Variants in HNF4G observed in about 807,000 individuals in gnomAD.
The protein encoded by HNF4G is hepatocyte nuclear factor 4 gamma.
In HNF4G, 21 loss-of-function variants were observed where a neutral mutation model predicts 50.9. The observed-to-expected ratio is 0.41, with a 90% CI of 0.29 to 0.59. The LOEUF (loss-of-function observed/expected upper bound fraction) is 0.59, where lower values mean the gene tolerates loss of function less well. Ranked by LOEUF, HNF4G falls within the 20% of genes least tolerant of loss-of-function variation. The pLI, the probability that HNF4G is intolerant of heterozygous loss-of-function variation, is 0.26. For missense variants in HNF4G, 527 were observed against 559.4 expected (o/e 0.94, Z 0.58); for synonymous variants, 198 against 185.6 (o/e 1.07, Z -0.54).
chr8:75,537,613 C>T (rs1252160764), upstream of HNF4G, among the ~76,000 whole-genome samples: 15 of 151,878 alleles, frequency 9.9e-5, no homozygotes, highest in East Asian at 7.7e-4. Context: ...AAAAGCAAAT[C>T]GACTAAAGTT....
intron 1 of HNF4G, among the ~76,000 whole-genome samples, chr8:75,451,026 T>G (rs926274792): frequency 1.3e-5 from 2 of 152,222 alleles, no homozygotes; most frequent in Non-Finnish European, 2.9e-5. Context: ...ACTTTCTTTA[T>G]AAATTATCAA....
intron 1 of HNF4G, among the ~76,000 whole-genome samples, chr8:75,410,688 C>G (rs139046209): frequency 2.4e-4 from 37 of 152,240 alleles, no homozygotes; most frequent in African/African-American, 8.7e-4. Flanking sequence ...GATTCACACC[C>G]CTAGGGCAAA....
At chr8:75,443,454 C>T (rs772423310) in intron 1 of HNF4G, among the ~76,000 whole-genome samples, 2 of 152,002 alleles carry the variant, frequency 1.3e-5, no homozygotes, top group Admixed American at 6.6e-5. Context: ...ACAAGTTATA[C>T]GTTGGTAGTC....
At chr8:75,492,180 A>G (rs774522393) in intron 2 of HNF4G, among the ~76,000 whole-genome samples, 5 of 152,108 alleles carry the variant, frequency 3.3e-5, no homozygotes, top group Non-Finnish European at 7.4e-5. Context: ...ACATTATTCC[A>G]ATGTTTCAAG....
chr8:75,561,605 C>T (rs1261407722), intron 9 of HNF4G, among the ~76,000 whole-genome samples: 2 of 152,146 alleles, frequency 1.3e-5, no homozygotes, highest in African/African-American at 4.8e-5. Context: ...GATCATAAAG[C>T]ACATCTGTTA....
intron 1 of HNF4G, among the ~76,000 whole-genome samples, chr8:75,427,613 A>G (rs944854282): frequency 3.3e-5 from 5 of 151,588 alleles, no homozygotes; most frequent in African/African-American, 1.2e-4. Context: ...AATAAAGACT[A>G]TCTTCTCATC....
At chr8:75,532,973 C>T (rs1203145643) in intron 2 of HNF4G, among the ~76,000 whole-genome samples, 1 of 151,990 alleles carries the variant, frequency 6.6e-6, no homozygotes, top group Admixed American at 6.6e-5. Context: ...TCATTATCAT[C>T]ATGATCATTA....
At chr8:75,451,815 T>C (rs1811591895) in intron 1 of HNF4G, among the ~76,000 whole-genome samples, 1 of 152,212 alleles carries the variant, frequency 6.6e-6, no homozygotes, top group South Asian at 2.1e-4. Context: ...TAAAACTATT[T>C]ACAAGACAGA....
intron 2 of HNF4G, among the ~76,000 whole-genome samples, chr8:75,498,444 TTA>T (rs1321963189): frequency 6.6e-6 from 1 of 152,088 alleles, no homozygotes; most frequent in Admixed American, 6.6e-5. Flanking sequence ...AAGTCCAGGA[TTA>T]TATGACTTCA....
intron 1 of HNF4G, among the ~76,000 whole-genome samples, chr8:75,465,075 T>A (rs1811937467): frequency 6.6e-6 from 1 of 152,192 alleles, no homozygotes; most frequent in Admixed American, 6.5e-5. Flanking sequence ...TTATCCTAAC[T>A]GGAACTCTTG....
chr8:75,484,274 G>C (rs1294324930), intron 1 of HNF4G, among the ~76,000 whole-genome samples: 1 of 152,212 alleles, frequency 6.6e-6, no homozygotes, highest in Non-Finnish European at 1.5e-5. Flanking sequence ...GCAATAAACA[G>C]TCATTACGAA....
chr8:75,442,114 T>C (rs745619674), intron 1 of HNF4G, among the ~76,000 whole-genome samples: 11 of 152,052 alleles, frequency 7.2e-5, no homozygotes, highest in Non-Finnish European at 1.2e-4. Flanking sequence ...AACAACTAAA[T>C]AGTTAATTGT....
chr8:75,448,672 A>G (rs1250812009), intron 1 of HNF4G, among the ~76,000 whole-genome samples: 2 of 151,992 alleles, frequency 1.3e-5, no homozygotes, highest in Admixed American at 6.6e-5. Context: ...ATGAAAAATT[A>G]TAAGTGAAAT....
intron 1 of HNF4G, among the ~76,000 whole-genome samples, chr8:75,480,855 C>T (rs1189014175): frequency 6.6e-6 from 1 of 151,810 alleles, no homozygotes; most frequent in East Asian, 1.9e-4. Flanking sequence ...GGACTACATG[C>T]GTCAGCCACC....
intron 1 of HNF4G, among the ~76,000 whole-genome samples, chr8:75,431,534 A>G (rs80300498): frequency 0.048 from 7,269 of 152,282 alleles, 190 homozygotes; most frequent in Middle Eastern, 0.065. Context: ...ATATAAATTG[A>G]GTTAAATTTT....
chr8:75,478,631 C>T (rs1400584558), intron 1 of HNF4G, among the ~76,000 whole-genome samples: 1 of 152,148 alleles, frequency 6.6e-6, no homozygotes, highest in Non-Finnish European at 1.5e-5. Flanking sequence ...CTTTGTCAAG[C>T]GGTATGTATT....
chr8:75,519,897 G>A (rs1229112515), intron 2 of HNF4G, among the ~76,000 whole-genome samples: 1 of 152,024 alleles, frequency 6.6e-6, no homozygotes, highest in Non-Finnish European at 1.5e-5. Flanking sequence ...TTCAGCTGGT[G>A]TATTTAAACC....
At chr8:75,559,422 C>T (rs1397794972) in intron 8 of HNF4G, among the ~76,000 whole-genome samples, 2 of 152,074 alleles carry the variant, frequency 1.3e-5, no homozygotes, top group African/African-American at 4.8e-5. Context: ...TACAGGCACA[C>T]ACCACCACGC....
chr8:75,530,794 C>CAT (rs1554578279), intron 2 of HNF4G, among the ~76,000 whole-genome samples: 1 of 132,166 alleles, frequency 7.6e-6, no homozygotes, highest in African/African-American at 2.9e-5. Flanking sequence ...GTTCAATGTG[C>CAT]TTTTTTTTTT....
Sources: allele counts gnomAD v4.1 joint callset (sites outside exome capture counted in the v4.1 genomes callset), GRCh38; gene constraint gnomAD v4.1.1; transcripts MANE v1.5; gene names NCBI Gene and HGNC (gene_info 2026-07-23, HGNC 2026-07-21).